USH2A: variants seen among roughly 807,000 people sequenced by gnomAD.
USH2A encodes the protein usherin.
A neutral mutation model predicts 538.9 loss-of-function variants in USH2A; 443 were observed. The observed-to-expected ratio is 0.82, with a 90% confidence interval of 0.76 to 0.89. The LOEUF (loss-of-function observed/expected upper bound fraction) is 0.89, where lower values mean the gene tolerates loss of function less well. Among genes scored for constraint, USH2A ranks in the 40% least tolerant of loss-of-function variants. The probability of loss-of-function intolerance (pLI) is 0.00; values close to 1 mark genes in which losing one functional copy is unlikely to be tolerated. For synonymous variants in USH2A, 2,413 were observed against 2,273.5 expected (o/e 1.06, Z -1.75); for missense variants, 6,633 against 6,324.8 (o/e 1.05, Z -1.65).
At chr1:216,279,433 C>T (rs1039983606) in intron 11 of USH2A, among the ~76,000 whole-genome samples, 17 of 152,076 alleles carry the variant, frequency 1.1e-4, no homozygotes, top group African/African-American at 3.9e-4. Context: ...ACACTCACAA[C>T]TCCCCTACCC....
At chr1:215,791,842 A>G (rs918653154) in intron 50 of USH2A, among the ~76,000 whole-genome samples, 1 of 152,200 alleles carries the variant, frequency 6.6e-6, no homozygotes, top group Non-Finnish European at 1.5e-5. Flanking sequence ...ATGCATATGT[A>G]TGTGTATATA....
At chr1:216,232,745 C>T (rs1391275840) in intron 13 of USH2A, among the ~76,000 whole-genome samples, 1 of 152,178 alleles carries the variant, frequency 6.6e-6, no homozygotes, top group African/African-American at 2.4e-5. Flanking sequence ...TCTTCATCCC[C>T]GCTACGACCT....
intron 37 of USH2A, among the ~76,000 whole-genome samples, chr1:215,941,061 C>T (rs1276515859): frequency 2.0e-5 from 3 of 151,898 alleles, no homozygotes; most frequent in African/African-American, 7.3e-5. Flanking sequence ...TTATTTTTCC[C>T]CATCAAGCTC....
At position 216,232,146 on chromosome 1, in the gene USH2A, A is replaced by C. The variant is rs757126689; in HGVS notation, c.2810-10T>G. On this transcript the variant is annotated splice_polypyrimidine_tract_variant and intron_variant, in intron 13 of 71. Transcript: ENST00000307340. ...GGAGAAATATAAAAACCTAGAAATA[A>C]AGAAATTAAAAGTTTTATATATACT... 5.6e-6 allele frequency: 9 copies of C among 1,608,038 alleles called. No individual in the cohort carries two copies. Among genetic ancestry groups the C allele is most frequent in the Non-Finnish European group, 7.6e-6 (9 of 1,177,444 alleles).
At chr1:215,699,819 C>T (rs573007587) in intron 61 of USH2A, among the ~76,000 whole-genome samples, 2 of 152,172 alleles carry the variant, frequency 1.3e-5, no homozygotes, top group Admixed American at 6.5e-5. Context: ...GCCTGATTGC[C>T]CTGGCCAGAA....
intron 11 of USH2A, among the ~76,000 whole-genome samples, chr1:216,255,796 T>C (rs1341990701): frequency 6.6e-6 from 1 of 152,102 alleles, no homozygotes; most frequent in Non-Finnish European, 1.5e-5. Flanking sequence ...TCCTGTCAGT[T>C]TGTTCTATTA....
chr1:216,323,233 C>T, intron 8 of USH2A, among the ~76,000 whole-genome samples: 1 of 145,512 alleles, frequency 6.9e-6, no homozygotes, highest in Non-Finnish European at 1.5e-5. Flanking sequence ...AAAATCAATT[C>T]CTGTATATAT....
chr1:215,863,227 T>C (rs183806517), intron 44 of USH2A, among the ~76,000 whole-genome samples: 5 of 152,198 alleles, frequency 3.3e-5, no homozygotes, highest in South Asian at 4.1e-4. Flanking sequence ...AAGAAAACCA[T>C]GTAGAGTACA....
rs567333443 is a variant in USH2A, at chr1:215,931,806, T to C, written c.7300+2810A>G. Among the ~76,000 whole-genome samples the C allele has an allele frequency of 1.0e-3, 156 of 152,132 alleles. 2 individuals carry two copies. The highest frequency in any genetic ancestry group is 1.6e-4 in the Non-Finnish European group (11 of 67,950). ...ACAGTTCCTACTCTATAGGATCTTATAACCAGTGATTGTGACAGATTAAAC... is the reference window on the plus strand; with the variant it reads ...ACAGTTCCTACTCTATAGGATCTTACAACCAGTGATTGTGACAGATTAAAC... On this transcript the variant is annotated intron_variant, in intron 38 of 71. Transcript: ENST00000307340.
rs938532852 is a variant in USH2A at position 215,939,054 on chromosome 1, A to G, written c.7121-4259T>C. ...GTCTCCTTATAGGCTACAAAATCCA[A>G]TGAAGTTGTTCTACAAGAAAATTTA... On this transcript the variant is annotated intron_variant, in intron 37 of 71. Coordinates refer to ENST00000307340, the MANE Select transcript of USH2A (RefSeq NM_206933.4). Among the ~76,000 whole-genome samples, 6 of 152,306 alleles carry G rather than the reference A, an allele frequency of 3.9e-5. No individual in the cohort carries two copies. In the East Asian group the frequency reaches 1.2e-3, roughly 29 times the overall value.
intron 44 of USH2A, among the ~76,000 whole-genome samples, chr1:215,851,228 C>T (rs1257095066): frequency 6.6e-6 from 1 of 151,724 alleles, no homozygotes; most frequent in Non-Finnish European, 1.5e-5. Context: ...AACAAACAAC[C>T]AAAACAATAC....
At chr1:215,704,943 C>A (rs968428481) in intron 61 of USH2A, among the ~76,000 whole-genome samples, 1 of 152,154 alleles carries the variant, frequency 6.6e-6, no homozygotes, top group African/African-American at 2.4e-5. Context: ...AGGACAGGGA[C>A]TAGGGATACA....
At chr1:216,229,725 C>A (rs2035638623) in intron 14 of USH2A, among the ~76,000 whole-genome samples, 1 of 152,212 alleles carries the variant, frequency 6.6e-6, no homozygotes, top group Admixed American at 6.5e-5. Flanking sequence ...AATCCACCTT[C>A]TAACCCAGGG....
chr1:215,846,188 G>A (rs886622998), intron 44 of USH2A, among the ~76,000 whole-genome samples, 155 bp from the exon 45 acceptor site: 1 of 152,016 alleles, frequency 6.6e-6, no homozygotes, highest in Non-Finnish European at 1.5e-5. Context: ...CTCCTTTTTG[G>A]TGGTGCTGGT....
chr1:216,072,824 T>C, intron 29 of USH2A, 65 bp downstream of exon 29: 2 of 1,460,014 alleles, frequency 1.4e-6, no homozygotes, highest in Non-Finnish European at 1.9e-6. Flanking sequence ...TCCTTCCTTT[T>C]ATATAAATGC....
intron 13 of USH2A, among the ~76,000 whole-genome samples, chr1:216,243,547 A>G (rs191762297): frequency 1.3e-5 from 2 of 152,320 alleles, no homozygotes; most frequent in African/African-American, 4.8e-5. Context: ...GGATATACAA[A>G]GCAGCTCTGA....
chr1:216,130,762 C>T (rs2033358954), intron 21 of USH2A, among the ~76,000 whole-genome samples: 1 of 150,804 alleles, frequency 6.6e-6, no homozygotes, highest in Non-Finnish European at 1.5e-5. Context: ...GTGATTTGTG[C>T]CGCTATAAAC....
intron 62 of USH2A, among the ~76,000 whole-genome samples, chr1:215,676,244 C>A (rs1658020739): frequency 6.6e-6 from 1 of 152,096 alleles, no homozygotes; most frequent in South Asian, 2.1e-4. Flanking sequence ...ACCCTGTTTT[C>A]TCTTCCAGGC....
chr1:215,948,104 C>G (rs138466479), intron 37 of USH2A, among the ~76,000 whole-genome samples: 2,903 of 152,108 alleles, frequency 0.019, 83 homozygotes, highest in African/African-American at 0.064. Context: ...TCTTTAACAT[C>G]TCTTGTATAA....
Sources: allele counts gnomAD v4.1 joint callset (sites outside exome capture counted in the v4.1 genomes callset), GRCh38; gene constraint gnomAD v4.1.1; transcripts MANE v1.5; gene names NCBI Gene and HGNC (gene_info 2026-07-23, HGNC 2026-07-21).